STK39: variants seen among roughly 807,000 people sequenced by gnomAD.
STK39 encodes the protein STE20/SPS1-related proline-alanine-rich protein kinase.
Under a neutral mutation model 77.8 loss-of-function variants are expected in STK39, and 20 were observed. That is an observed-to-expected ratio of 0.26 (90% CI 0.18 to 0.37). STK39 has a LOEUF of 0.37. Ranked by LOEUF, STK39 falls within the 10% of genes least tolerant of loss-of-function variation. STK39 has a pLI of 1.00. For missense variants in STK39, 479 were observed against 656.5 expected (o/e 0.73, Z 2.95); for synonymous variants, 246 against 234.1 (o/e 1.05, Z -0.47).
At chr2:168,002,557 G>C (rs1297835038) in intron 16 of STK39, among the ~76,000 whole-genome samples, 1 of 152,180 alleles carries the variant, frequency 6.6e-6, no homozygotes, top group African/African-American at 2.4e-5. Flanking sequence ...CACAGCTTAA[G>C]CTTCTGATTT....
At chr2:168,130,984 A>T (rs934180951) in intron 8 of STK39, among the ~76,000 whole-genome samples, 1 of 152,222 alleles carries the variant, frequency 6.6e-6, no homozygotes, top group African/African-American at 2.4e-5. Context: ...GAAGCCACAG[A>T]GGCTATAAAG....
At chr2:168,190,726 G>A (rs1263111451) in intron 1 of STK39, among the ~76,000 whole-genome samples, 1 of 152,182 alleles carries the variant, frequency 6.6e-6, no homozygotes, top group Non-Finnish European at 1.5e-5. Flanking sequence ...CTAGACTGTA[G>A]GCTGGACACA....
chr2:168,139,430 A>ATATATATAT (rs1687923359), intron 7 of STK39, among the ~76,000 whole-genome samples: 1 of 150,854 alleles, frequency 6.6e-6, no homozygotes, highest in African/African-American at 2.4e-5. Context: ...ATATAAAAAC[A>ATATATATAT]ATAAAATGAA....
chr2:168,025,851 C>T (rs1320485118), intron 14 of STK39, among the ~76,000 whole-genome samples: 2 of 152,202 alleles, frequency 1.3e-5, no homozygotes, highest in Admixed American at 1.3e-4. Flanking sequence ...CGGGGCCTTC[C>T]TATGGCAGTG....
intron 2 of STK39, among the ~76,000 whole-genome samples, chr2:168,175,934 G>A (rs562129931): frequency 6.6e-6 from 1 of 152,278 alleles, no homozygotes; most frequent in Non-Finnish European, 1.5e-5. Flanking sequence ...GTTGAAACCT[G>A]AAATGCTCAA....
intron 1 of STK39, among the ~76,000 whole-genome samples, chr2:168,240,254 C>T (rs1690725962): frequency 6.6e-6 from 1 of 152,132 alleles, no homozygotes; most frequent in African/African-American, 2.4e-5. Context: ...TCCCAAAAGA[C>T]CTTAAACACT....
chr2:168,029,379 C>T (rs189805046), intron 14 of STK39, among the ~76,000 whole-genome samples: 8 of 152,182 alleles, frequency 5.3e-5, no homozygotes, highest in Non-Finnish European at 1.2e-4. Context: ...TATGGAAGAC[C>T]CTTTATAAGG....
intron 16 of STK39, among the ~76,000 whole-genome samples, chr2:167,999,222 C>T (rs980795621): frequency 6.6e-6 from 1 of 152,234 alleles, no homozygotes; most frequent in South Asian, 2.1e-4. Flanking sequence ...CTCAGAGGGG[C>T]TTCCCCTGCT....
At chr2:168,170,979 T>C (rs759070866) in intron 2 of STK39, among the ~76,000 whole-genome samples, 1 of 152,146 alleles carries the variant, frequency 6.6e-6, no homozygotes, top group African/African-American at 2.4e-5. Flanking sequence ...AACTCTGAAA[T>C]GCAGGCAACA....
At chr2:168,036,184 G>C (rs558430822) in intron 14 of STK39, among the ~76,000 whole-genome samples, 2 of 151,656 alleles carry the variant, frequency 1.3e-5, no homozygotes, top group African/African-American at 4.8e-5. Flanking sequence ...CAGCGTGGGC[G>C]CCAATACCAA....
At chr2:168,027,130 T>C (rs1458976536) in intron 14 of STK39, among the ~76,000 whole-genome samples, 2 of 152,170 alleles carry the variant, frequency 1.3e-5, no homozygotes, top group Non-Finnish European at 1.5e-5. Context: ...AAACAGTTTG[T>C]GCCCTCTATC....
At chr2:168,232,728 T>C (rs1690490285) in intron 1 of STK39, among the ~76,000 whole-genome samples, 2 of 152,032 alleles carry the variant, frequency 1.3e-5, no homozygotes, top group African/African-American at 2.4e-5. Context: ...CTGGCCAACA[T>C]GGTGAAATCC....
At chr2:168,177,252 T>C (rs1220898972) in intron 2 of STK39, among the ~76,000 whole-genome samples, 1 of 152,210 alleles carries the variant, frequency 6.6e-6, no homozygotes, top group East Asian at 1.9e-4. Context: ...TTCATTTTTT[T>C]AATGACACAA....
intron 14 of STK39, among the ~76,000 whole-genome samples, chr2:168,046,148 A>G (rs1009534273): frequency 4.6e-5 from 7 of 152,124 alleles, no homozygotes; most frequent in Non-Finnish European, 8.8e-5. Flanking sequence ...CGGGCGGATC[A>G]CGAGGTCAGG....
At chr2:168,137,295 G>T (rs1687864819) in intron 8 of STK39, among the ~76,000 whole-genome samples, 1 of 152,062 alleles carries the variant, frequency 6.6e-6, no homozygotes, top group Non-Finnish European at 1.5e-5. Flanking sequence ...CTTCTCAGAG[G>T]CCTCTCCTGG....
intron 17 of STK39, among the ~76,000 whole-genome samples, chr2:167,959,693 C>T (rs1691891050): frequency 6.6e-6 from 1 of 152,170 alleles, no homozygotes; most frequent in African/African-American, 2.4e-5. Context: ...TGTCCTGTAG[C>T]TGAAATTCAA....
chr2:168,098,253 T>C (rs1686726010), intron 10 of STK39, among the ~76,000 whole-genome samples: 1 of 152,124 alleles, frequency 6.6e-6, no homozygotes, highest in Non-Finnish European at 1.5e-5. Context: ...GGGAAGGGGG[T>C]GAGAGAAGAC....
At chr2:168,161,913 A>T (rs1688582162) in intron 4 of STK39, 71 bp from the exon 5 acceptor site, 1 of 1,085,412 alleles carries the variant, frequency 9.2e-7, no homozygotes, top group African/African-American at 1.6e-5. Context: ...ACTCAGGAAG[A>T]TTTTAAAACA....
chr2:168,036,773 G>A (rs547770867), intron 14 of STK39, among the ~76,000 whole-genome samples: 26 of 152,284 alleles, frequency 1.7e-4, no homozygotes, highest in African/African-American at 5.3e-4. Flanking sequence ...ATAGAGCAAG[G>A]GTGAGGGTAG....
Sources: allele counts gnomAD v4.1 joint callset (sites outside exome capture counted in the v4.1 genomes callset), GRCh38; gene constraint gnomAD v4.1.1; transcripts MANE v1.5; gene names NCBI Gene and HGNC (gene_info 2026-07-23, HGNC 2026-07-21).